DAB1: variants seen among roughly 807,000 people sequenced by gnomAD.
The protein encoded by DAB1 is DAB adaptor protein 1.
In DAB1, 15 loss-of-function variants were observed where a neutral mutation model predicts 64.6. The observed-to-expected ratio is 0.23, with a 90% CI of 0.16 to 0.36. The LOEUF (loss-of-function observed/expected upper bound fraction) is 0.36, where lower values mean the gene tolerates loss of function less well. Among genes scored for constraint, DAB1 ranks in the 10% least tolerant of loss-of-function variants. The pLI is 1.00. For synonymous variants in DAB1, 235 were observed against 251.9 expected (o/e 0.93, Z 0.64); for missense variants, 596 against 706.7 (o/e 0.84, Z 1.78).
At chr1:57,374,786 T>C (rs368468481) in intron 1 of DAB1, among the ~76,000 whole-genome samples, 67 of 152,320 alleles carry the variant, frequency 4.4e-4, no homozygotes, top group African/African-American at 1.5e-3. Context: ...GTAATTGGTC[T>C]GAAAATGGCC....
rs1265339823 is a variant in DAB1, at chr1:58,347,312, T to G, written n.258-3909A>C. Reference sequence around the variant, plus strand: ...TAGTAGAGATGGTGTTTCACCATGTTAGTCAGGCTGGTCGCAAACTCCTGA... The same window carrying G: ...TAGTAGAGATGGTGTTTCACCATGTGAGTCAGGCTGGTCGCAAACTCCTGA... On this transcript the variant is annotated intron_variant and non_coding_transcript_variant, in intron 3 of 20. Coordinates refer to the DAB1 transcript ENST00000485760. Among the ~76,000 whole-genome samples the G allele has an allele frequency of 2.0e-5, 3 of 152,268 alleles. No homozygotes were observed. The East Asian group carries it at 5.8e-4, about 29-fold the overall frequency.
intron 9 of DAB1, among the ~76,000 whole-genome samples, chr1:57,032,423 C>T (rs879488269): frequency 2.6e-5 from 4 of 152,108 alleles, no homozygotes; most frequent in Non-Finnish European, 5.9e-5. Context: ...AAGAAGAGGC[C>T]ATCTCAGGGT....
At chr1:57,813,088 C>T (rs1651704543) in intron 6 of DAB1, among the ~76,000 whole-genome samples, 1 of 152,138 alleles carries the variant, frequency 6.6e-6, no homozygotes, top group African/African-American at 2.4e-5. Context: ...TCATATATAT[C>T]ATTATGTATT....
chr1:58,543,685 T>C (rs773902642), intron 1 of DAB1, among the ~76,000 whole-genome samples: 1 of 152,192 alleles, frequency 6.6e-6, no homozygotes, highest in Non-Finnish European at 1.5e-5. Flanking sequence ...AAAAATGACA[T>C]GATGATCTGT....
chr1:58,451,972 C>T (rs1347275265), intron 3 of DAB1, among the ~76,000 whole-genome samples: 1 of 147,344 alleles, frequency 6.8e-6, no homozygotes, highest in Non-Finnish European at 1.5e-5. Flanking sequence ...GACTGGAGTG[C>T]AATGGCACGA....
intron 4 of DAB1, among the ~76,000 whole-genome samples, chr1:58,168,175 T>C (rs1655966367): frequency 6.6e-6 from 1 of 152,162 alleles, no homozygotes; most frequent in Admixed American, 6.5e-5. Flanking sequence ...TAACAGGCTT[T>C]CTGGGAAAGA....
intron 1 of DAB1, among the ~76,000 whole-genome samples, chr1:57,382,639 T>C (rs778250182): frequency 6.6e-6 from 1 of 152,128 alleles, no homozygotes; most frequent in Non-Finnish European, 1.5e-5. Flanking sequence ...TTGTGGCCCT[T>C]TTCTCACATC....
At chr1:57,461,035 G>A (rs1686763770) in intron 7 of DAB1, among the ~76,000 whole-genome samples, 1 of 152,128 alleles carries the variant, frequency 6.6e-6, no homozygotes, top group Non-Finnish European at 1.5e-5. Flanking sequence ...TATTTATCCT[G>A]ATGCTCTCCT....
At chr1:58,068,395 C>T (rs1471676037) in intron 5 of DAB1, among the ~76,000 whole-genome samples, 1 of 152,172 alleles carries the variant, frequency 6.6e-6, no homozygotes, top group Non-Finnish European at 1.5e-5. Flanking sequence ...TTGTCAGGAA[C>T]ATAGCAAAGC....
chr1:58,038,088 A>G (rs762690852), intron 5 of DAB1, among the ~76,000 whole-genome samples: 2 of 152,222 alleles, frequency 1.3e-5, no homozygotes, highest in East Asian at 1.9e-4. Flanking sequence ...GACTGACTTG[A>G]TATCTTTTAT....
chr1:57,397,512 G>A (rs269057), intron 1 of DAB1, among the ~76,000 whole-genome samples: 61,103 of 151,920 alleles, frequency 0.4, 12,817 homozygotes, highest in African/African-American at 0.47. Flanking sequence ...ACCCAAACCT[G>A]TTACTTGCCT....
chr1:58,536,932 TAC>T (rs1406168674), intron 1 of DAB1, among the ~76,000 whole-genome samples: 1 of 152,184 alleles, frequency 6.6e-6, no homozygotes, highest in Non-Finnish European at 1.5e-5. Flanking sequence ...GATGTAAAGT[TAC>T]AGTTAAAAAA....
chr1:57,368,042 C>T (rs567526947), intron 1 of DAB1, among the ~76,000 whole-genome samples: 79 of 152,334 alleles, frequency 5.2e-4, no homozygotes, highest in African/African-American at 1.8e-3. Flanking sequence ...CTGCTATTGG[C>T]ACCTGCTCCC....
At chr1:58,160,326 C>T (rs896719999) in intron 4 of DAB1, among the ~76,000 whole-genome samples, 2 of 152,120 alleles carry the variant, frequency 1.3e-5, no homozygotes, top group African/African-American at 4.8e-5. Context: ...AGAGTAGTTC[C>T]CTGTTACCGC....
intron 9 of DAB1, among the ~76,000 whole-genome samples, chr1:57,036,402 A>G (rs1647152343): frequency 6.6e-6 from 1 of 152,160 alleles, no homozygotes; most frequent in East Asian, 1.9e-4. Context: ...GTCATTTCTC[A>G]GAGCTGCTCT....
chr1:57,747,145 A>G (rs1468886071), intron 6 of DAB1, among the ~76,000 whole-genome samples: 1 of 152,178 alleles, frequency 6.6e-6, no homozygotes, highest in African/African-American at 2.4e-5. Flanking sequence ...ATAGTCTCAT[A>G]TGAGTTTAAT....
At chr1:58,140,035 T>C (rs899664306) in intron 5 of DAB1, among the ~76,000 whole-genome samples, 1 of 152,232 alleles carries the variant, frequency 6.6e-6, no homozygotes, top group Non-Finnish European at 1.5e-5. Flanking sequence ...GCATATTTTG[T>C]GCATCTGGAA....
At position 57,385,703 on chromosome 1, in the gene DAB1, C is replaced by A. The variant is rs149980027; in HGVS notation, c.-137+38227G>T. 5.2e-4 allele frequency among the ~76,000 whole-genome samples: 79 copies of A among 152,216 alleles called. No homozygotes were observed. The East Asian group carries it at 0.012, about 23-fold the overall frequency. ...GAAATATAGGCATTAAGGCAAGGAT[C>A]TAGGGAGAAAGGGCCTAAAAACTTA... On this transcript the variant is annotated intron_variant, in intron 1 of 14. Transcript: ENST00000371236.
chr1:57,549,881 C>T (rs1644895286), intron 7 of DAB1, among the ~76,000 whole-genome samples: 1 of 152,098 alleles, frequency 6.6e-6, no homozygotes, highest in African/African-American at 2.4e-5. Flanking sequence ...AGATTTAAAA[C>T]AAAACACAAC....
Sources: gnomAD v4.1 joint callset for allele counts (sites outside exome capture counted in the v4.1 genomes callset) on GRCh38, gnomAD v4.1.1 for gene constraint, MANE v1.5 for transcripts, NCBI Gene and HGNC (gene_info 2026-07-23, HGNC 2026-07-21) for gene names.